Variants in DNAH9 observed in about 807,000 individuals in gnomAD.
The protein encoded by DNAH9 is dynein axonemal heavy chain 9, also known as DNAH9 variant protein.
A neutral mutation model predicts 471.6 loss-of-function variants in DNAH9; 345 were observed. The ratio of observed to expected loss-of-function variants is 0.73; its 90% CI spans 0.67 to 0.80. The LOEUF (loss-of-function observed/expected upper bound fraction) is 0.80. DNAH9 is among the 30% of genes least tolerant of loss of function. DNAH9 has a pLI of 0.00. For synonymous variants in DNAH9, 2,093 were observed against 2,123.6 expected (o/e 0.99, Z 0.40); for missense variants, 5,407 against 5,609.2 (o/e 0.96, Z 1.15).
At chr17:11,693,506 G>T (rs988232111) in intron 20 of DNAH9, among the ~76,000 whole-genome samples, 23 of 151,840 alleles carry the variant, frequency 1.5e-4, no homozygotes, top group African/African-American at 5.1e-4. Context: ...CCATCCGCCC[G>T]CGTCAGCCTC....
Position 11,742,217 on chromosome 17 carries a change from A to G in DNAH9, c.6015A>G (p.Glu2005=). 1.2e-6 allele frequency: 2 copies of G among 1,614,130 alleles called. No homozygotes were observed. Among genetic ancestry groups the G allele is most frequent in the Non-Finnish European group, 1.7e-6 (2 of 1,180,000 alleles). ...MVVPDFELIC[E]IMLVAEGFIE... The stretch of plus-strand genomic sequence containing the variant: ...TTCCAGACTTTGAATTGATCTGTGA[A>G]ATCATGCTGGTGGCAGAAGGATTCA... Residue 2005 remains glutamate, a synonymous_variant, in exon 30 of 69, where the codon GAA becomes GAG. Coordinates refer to ENST00000262442, the MANE Select transcript of DNAH9 (RefSeq NM_001372.4).
At chr17:11,760,580 C>T (rs1025668474) in intron 35 of DNAH9, among the ~76,000 whole-genome samples, 9 of 151,682 alleles carry the variant, frequency 5.9e-5, no homozygotes, top group Non-Finnish European at 8.8e-5. Context: ...AGTGCAGTGG[C>T]GCGATCTTGG....
chr17:11,929,575 G>A (rs1256548369), intron 62 of DNAH9, among the ~76,000 whole-genome samples: 1 of 152,164 alleles, frequency 6.6e-6, no homozygotes, highest in Non-Finnish European at 1.5e-5. Context: ...CAGAATACTG[G>A]GAGGTCCTCA....
At chr17:11,711,970 TTGTATA>T (rs1343257391) in intron 26 of DNAH9, among the ~76,000 whole-genome samples, 1 of 3,244 alleles carries the variant, frequency 3.1e-4, no homozygotes, top group Non-Finnish European at 3.4e-3. Flanking sequence ...ATATATATAT[TTGTATA>T]TATATTTATA....
At chr17:11,935,963 A>G (rs999715051) in intron 65 of DNAH9, among the ~76,000 whole-genome samples, 38 of 152,328 alleles carry the variant, frequency 2.5e-4, no homozygotes, top group African/African-American at 8.7e-4. Flanking sequence ...AAAATTGTGC[A>G]ACAGCGTCCC....
rs71142257 is a variant in DNAH9 at position 11,942,896 on chromosome 17, CT to C, written c.12843+428del. 4.8e-3 allele frequency among the ~76,000 whole-genome samples: 620 copies of C among 127,906 alleles called. 2 individuals are homozygous for C. Among genetic ancestry groups the C allele is most frequent in the African/African-American group, 0.016 (538 of 33,812 alleles). 83.9% of individuals were successfully genotyped at this position (127,906 alleles called of 152,430 possible). A position where few individuals can be genotyped will look rare whatever the true frequency, so the allele number is the denominator to read the frequency against. On this transcript the variant is annotated intron_variant, in intron 67 of 68. Coordinates refer to ENST00000262442, the MANE Select transcript of DNAH9 (RefSeq NM_001372.4). ...GTCGATTTACATTGGCTTGTTTTTT[CT>C]TTTTTTTTTTTTTTTTGAGACAGAG...
chr17:11,826,385 T>A (rs1970492214), intron 48 of DNAH9, among the ~76,000 whole-genome samples: 2 of 145,152 alleles, frequency 1.4e-5, no homozygotes, highest in Admixed American at 1.4e-4. Context: ...ACTCTTCCCT[T>A]TCCTCAGTTC....
rs190793029 is a variant in DNAH9, at chr17:11,617,451, G to A, written c.945G>A (p.Pro315=). The change falls in exon 5 of 69, where the codon CCG becomes CCA. Residue 315 remains proline, a synonymous_variant. Coordinates refer to ENST00000262442, the MANE Select transcript of DNAH9 (RefSeq NM_001372.4). ...EAQDIHVHLI[P]LQRHLEALEN... ...AGGACATCCATGTGCACCTGATACCGCTCCAGCGCCACCTGGAAGCTCTGG... is the reference window on the plus strand; with the variant it reads ...AGGACATCCATGTGCACCTGATACCACTCCAGCGCCACCTGGAAGCTCTGG... 5.6e-5 allele frequency: 90 copies of A among 1,614,100 alleles called. No individual in the cohort carries two copies. Among genetic ancestry groups the A allele is most frequent in the East Asian group, 2.2e-4 (10 of 44,864 alleles).
intron 67 of DNAH9, among the ~76,000 whole-genome samples, chr17:11,953,187 C>T (rs976850554): frequency 2.3e-4 from 35 of 152,074 alleles, no homozygotes; most frequent in Admixed American, 1.8e-3. Flanking sequence ...TGGCCCAGTC[C>T]GTAGAGGGGG....
intron 4 of DNAH9, chr17:11,612,044 C>T: frequency 1.7e-6 from 1 of 597,368 alleles, no homozygotes; most frequent in Non-Finnish European, 3.0e-6. Flanking sequence ...GGTTATGGGG[C>T]ATACACTTCT....
chr17:11,751,953 T>C (rs959768032), intron 32 of DNAH9, among the ~76,000 whole-genome samples: 4 of 151,828 alleles, frequency 2.6e-5, no homozygotes, highest in African/African-American at 9.7e-5. Flanking sequence ...CTGGCAAGAG[T>C]CAATTAAAAA....
intron 50 of DNAH9, among the ~76,000 whole-genome samples, chr17:11,863,038 A>C (rs999948041): frequency 9.9e-5 from 15 of 152,238 alleles, no homozygotes; most frequent in South Asian, 6.2e-4. Context: ...ACTGCCCTGG[A>C]CAGAACTTCC....
At position 11,871,540 on chromosome 17, in the gene DNAH9, G is replaced by A. The variant is rs1010547740; in HGVS notation, c.10054-58G>A. ...CGGGCGCTCTCCATGATGGAATCAC[G>A]GCTCTATCACCTACTGTGTAACACG... On this transcript the variant is annotated intron_variant, in intron 51 of 68. Coordinates refer to ENST00000262442, the MANE Select transcript of DNAH9 (RefSeq NM_001372.4). 26 of 1,513,110 alleles carry A rather than the reference G, an allele frequency of 1.7e-5. No homozygotes were observed. In the South Asian group the frequency reaches 2.0e-4, roughly 12 times the overall value. 93.7% of individuals were successfully genotyped at this position (1,513,110 alleles called of 1,614,324 possible).
intron 61 of DNAH9, among the ~76,000 whole-genome samples, chr17:11,921,826 C>T (rs540889204): frequency 6.6e-6 from 1 of 152,304 alleles, no homozygotes; most frequent in East Asian, 1.9e-4. Flanking sequence ...CCCAGCCGGG[C>T]TCTGCAGTGC....
chr17:11,768,358 G>T, intron 36 of DNAH9, 95 bp from the exon 37 acceptor site: 1 of 1,301,452 alleles, frequency 7.7e-7, no homozygotes, highest in Non-Finnish European at 1.1e-6. Flanking sequence ...GGAGCACGTT[G>T]TCCTGCCCTG....
At chr17:11,695,722 A>G (rs573345247) in intron 22 of DNAH9, among the ~76,000 whole-genome samples, 130 of 152,288 alleles carry the variant, frequency 8.5e-4, no homozygotes, top group African/African-American at 2.8e-3. Context: ...TCCCACTCCC[A>G]CTGTTTCTGA....
intron 6 of DNAH9, among the ~76,000 whole-genome samples, chr17:11,624,202 T>C (rs985017624): frequency 1.3e-5 from 2 of 152,106 alleles, no homozygotes; most frequent in African/African-American, 2.4e-5. Flanking sequence ...AGAGCCTGTA[T>C]CCTTGCAATC....
chr17:11,942,070 G>A (rs965115774), intron 66 of DNAH9, among the ~76,000 whole-genome samples: 2 of 152,106 alleles, frequency 1.3e-5, no homozygotes, highest in Admixed American at 1.3e-4. Context: ...ATTATGCTAG[G>A]CATGCAAGTC....
rs190965214 is a variant in DNAH9, at chr17:11,755,105, C to A, written c.6739-1463C>A. Among the ~76,000 whole-genome samples, 5 of 152,254 alleles carry A rather than the reference C, an allele frequency of 3.3e-5. No individual in the cohort carries two copies. The East Asian group carries it at 9.7e-4, about 29-fold the overall frequency. On this transcript the variant is annotated intron_variant, in intron 33 of 68. Coordinates refer to ENST00000262442, the MANE Select transcript of DNAH9 (RefSeq NM_001372.4). ...GGCTTCCCCAAATGCTTGTTTTTGT[C>A]AGCTTTGTTGAAGATCAGATGGTCA...
Sources: gnomAD v4.1 joint callset for allele counts (sites outside exome capture counted in the v4.1 genomes callset) on GRCh38, gnomAD v4.1.1 for gene constraint, MANE v1.5 for transcripts, NCBI Gene and HGNC (gene_info 2026-07-23, HGNC 2026-07-21) for gene names.